ZFHX3: variants seen among roughly 807,000 people sequenced by gnomAD.
ZFHX3 encodes zinc finger homeobox protein 3.
A neutral mutation model predicts 279.1 loss-of-function variants in ZFHX3; 42 were observed. That is an observed-to-expected ratio of 0.15 (90% confidence interval 0.12 to 0.19). ZFHX3 has a LOEUF of 0.19. ZFHX3 is among the 10% of genes least tolerant of loss of function. The probability of loss-of-function intolerance (pLI) is 1.00; values close to 1 mark genes in which losing one functional copy is unlikely to be tolerated. For missense variants in ZFHX3, 4,981 were observed against 4,754.0 expected, an observed-to-expected ratio of 1.05 and a Z score of -1.40; for synonymous variants, 2,293 against 1,957.8, an observed-to-expected ratio of 1.17 and a Z score of -4.52.
intron 1 of ZFHX3, among the ~76,000 whole-genome samples, chr16:73,045,808 G>C (rs1417944498): frequency 1.4e-5 from 2 of 145,578 alleles, no homozygotes; most frequent in African/African-American, 5.3e-5. Flanking sequence ...AAAAAAGTGG[G>C]GGGGGGTTGT....
In ZFHX3 at chr16:72,925,495, C is replaced by G. The variant is rs536515704; in HGVS notation, c.3216+24974G>C. On this transcript the variant is annotated intron_variant, in intron 3 of 9. Transcript: ENST00000268489. Reference sequence around the variant, plus strand: ...GTCAGGCTAAATGGTCCCCAACCACCGCAGCAATGCTGCATACGCACGCTG... The same window carrying G: ...GTCAGGCTAAATGGTCCCCAACCACGGCAGCAATGCTGCATACGCACGCTG... 1.3e-3 allele frequency among the ~76,000 whole-genome samples: 197 copies of G among 152,340 alleles called. 2 individuals are homozygous for G. In the Middle Eastern group the frequency reaches 0.021, roughly 16 times the overall value.
intron 3 of ZFHX3, among the ~76,000 whole-genome samples, chr16:72,930,465 T>G (rs575808720): frequency 6.6e-6 from 1 of 151,936 alleles, no homozygotes; most frequent in Admixed American, 6.6e-5. Context: ...TTCTGTGTGA[T>G]CTCTTGCAGA....
intron 1 of ZFHX3, among the ~76,000 whole-genome samples, chr16:73,681,495 G>A (rs1242395852): frequency 3.3e-5 from 5 of 152,160 alleles, no homozygotes; most frequent in Non-Finnish European, 5.9e-5. Flanking sequence ...GGAGAAAGCC[G>A]AGAGATAAAG....
intron 5 of ZFHX3, among the ~76,000 whole-genome samples, chr16:73,190,287 T>C (rs1968002533): frequency 6.6e-6 from 1 of 152,184 alleles, no homozygotes; most frequent in African/African-American, 2.4e-5. Context: ...TTGGTAATTG[T>C]TCCCATTGGC....
rs1031202350 is a variant in ZFHX3 at position 73,805,703 on chromosome 16, A to C, written c.-1608+85948T>G. 1.1e-4 allele frequency among the ~76,000 whole-genome samples: 16 copies of C among 152,256 alleles called. 1 individual carries two copies. The highest frequency in any genetic ancestry group is 5.9e-4 in the Admixed American group (9 of 15,280). On this transcript the variant is annotated intron_variant, in intron 1 of 17. Coordinates refer to the ZFHX3 transcript ENST00000641206. ...AATGAGACATAGCAATGGACAAAAC[A>C]GTTAAAATCCCTGCCCTTCTAGAGC...
intron 3 of ZFHX3, among the ~76,000 whole-genome samples, chr16:72,934,285 G>T (rs532171214): frequency 2.2e-4 from 33 of 151,896 alleles, no homozygotes; most frequent in Non-Finnish European, 4.0e-4. Flanking sequence ...AAAGTTAGCC[G>T]GGCCTGGTGG....
At chr16:73,371,999 TCTA>T (rs2016640058) in intron 3 of ZFHX3, among the ~76,000 whole-genome samples, 1 of 152,256 alleles carries the variant, frequency 6.6e-6, no homozygotes, top group South Asian at 2.1e-4. Context: ...CGCGAATTTT[TCTA>T]CTCTTTCCAC....
intron 1 of ZFHX3, among the ~76,000 whole-genome samples, chr16:73,782,754 C>A (rs1567409086): frequency 6.6e-6 from 1 of 152,192 alleles, no homozygotes; most frequent in Non-Finnish European, 1.5e-5. Flanking sequence ...ATCCTGGGTT[C>A]CAGGTTGTAT....
intron 1 of ZFHX3, among the ~76,000 whole-genome samples, chr16:73,007,265 G>T (rs967548508): frequency 2.0e-5 from 3 of 152,098 alleles, no homozygotes; most frequent in Non-Finnish European, 4.4e-5. Context: ...TTCTTTTTGT[G>T]TAACCTTTGT....
chr16:73,607,286 C>G (rs1251786760), intron 2 of ZFHX3, among the ~76,000 whole-genome samples: 1 of 152,224 alleles, frequency 6.6e-6, no homozygotes, highest in Non-Finnish European at 1.5e-5. Flanking sequence ...CTTGGCCTCC[C>G]AAACTGCTGG....
chr16:73,360,886 G>C (rs8051576), intron 3 of ZFHX3, among the ~76,000 whole-genome samples: 1 of 151,952 alleles, frequency 6.6e-6, no homozygotes, highest in African/African-American at 2.4e-5. Context: ...TAATGGAACC[G>C]TGCAGGGATC....
chr16:73,727,509 T>C (rs2053529390), intron 1 of ZFHX3, among the ~76,000 whole-genome samples: 1 of 152,186 alleles, frequency 6.6e-6, no homozygotes, highest in South Asian at 2.1e-4. Flanking sequence ...TACCCAGAGA[T>C]GACAAGTTTT....
chr16:72,816,461 G>A (rs368436212), intron 5 of ZFHX3, among the ~76,000 whole-genome samples: 3 of 152,154 alleles, frequency 2.0e-5, no homozygotes, highest in Non-Finnish European at 4.4e-5. Flanking sequence ...TTGTGACAAC[G>A]AAATGCTGGG....
At position 72,796,848 on chromosome 16, in the gene ZFHX3, G is replaced by A; in HGVS notation, c.5834C>T (p.Thr1945Ile). 6.2e-7 allele frequency: 1 copy of A among 1,613,452 alleles called. No individual in the cohort carries two copies. The highest frequency in any genetic ancestry group is 2.2e-5 in the East Asian group (1 of 44,742). ...GCCAAAGTTCTCCAGCAGGGCCTTGGTGGCGTTCCCTCTGGCATCTGAAGC... is the reference window on the plus strand; with the variant it reads ...GCCAAAGTTCTCCAGCAGGGCCTTGATGGCGTTCCCTCTGGCATCTGAAGC... ...RIASDARGNA[T>I]KALLENFGFE... Residue 1945 changes from threonine (T) to isoleucine (I), a missense_variant, in exon 9 of 10, where the codon ACC becomes ATC. Physicochemically the swap from Thr to Ile is moderately conservative, Grantham distance 89. Coordinates refer to ENST00000268489, the MANE Select transcript of ZFHX3 (RefSeq NM_006885.4).
At chr16:72,837,909 C>T (rs1369351602) in intron 4 of ZFHX3, among the ~76,000 whole-genome samples, 1 of 152,132 alleles carries the variant, frequency 6.6e-6, no homozygotes, top group South Asian at 2.1e-4. Flanking sequence ...GACCTACAAA[C>T]TCTTTTTCAC....
At chr16:72,841,918 G>A (rs1281604518) in intron 4 of ZFHX3, among the ~76,000 whole-genome samples, 2 of 152,150 alleles carry the variant, frequency 1.3e-5, no homozygotes, top group Non-Finnish European at 2.9e-5. Flanking sequence ...GGGAATATTC[G>A]AAAACAACAA....
intron 2 of ZFHX3, among the ~76,000 whole-genome samples, chr16:73,488,426 G>A (rs1041456655): frequency 2.6e-5 from 4 of 152,144 alleles, no homozygotes; most frequent in East Asian, 1.9e-4. Context: ...ACATCAGCAG[G>A]GACCTCATGG....
chr16:73,626,440 CG>C (rs1304547426), intron 2 of ZFHX3, among the ~76,000 whole-genome samples: 1 of 151,828 alleles, frequency 6.6e-6, no homozygotes, highest in Non-Finnish European at 1.5e-5. Flanking sequence ...ATTTCCTCAT[CG>C]ATATTGGAAT....
chr16:72,991,777 T>C (rs1963104951), intron 1 of ZFHX3, among the ~76,000 whole-genome samples: 1 of 152,164 alleles, frequency 6.6e-6, no homozygotes, highest in African/African-American at 2.4e-5. Context: ...ATCATCTTTT[T>C]TCAGGGTGTT....
Sources: allele counts gnomAD v4.1 joint callset (sites outside exome capture counted in the v4.1 genomes callset), GRCh38; gene constraint gnomAD v4.1.1; transcripts MANE v1.5; gene names NCBI Gene and HGNC (gene_info 2026-07-23, HGNC 2026-07-21).